Variants in EDIL3 observed in about 807,000 individuals in gnomAD.
EDIL3 encodes EGF like and discoidin domains 3, also known as EGF-like repeat and discoidin I-like domain-containing protein 3.
Under a neutral mutation model 67.4 loss-of-function variants are expected in EDIL3, and 37 were observed. That is an observed-to-expected ratio of 0.55 (90% CI 0.42 to 0.72). EDIL3 has a LOEUF of 0.72. Ranked by LOEUF, EDIL3 falls within the 30% of genes least tolerant of loss-of-function variation. The pLI, the probability that EDIL3 is intolerant of heterozygous loss-of-function variation, is 0.00. For synonymous variants in EDIL3, 195 were observed against 196.3 expected, an observed-to-expected ratio of 0.99 and a Z score of 0.05; for missense variants, 527 against 586.3, an observed-to-expected ratio of 0.90 and a Z score of 1.04.
At chr5:84,279,492 TAGCTGA>T (rs1293679959) in intron 1 of EDIL3, among the ~76,000 whole-genome samples, 1 of 152,224 alleles carries the variant, frequency 6.6e-6, no homozygotes, top group Non-Finnish European at 1.5e-5. Context: ...AAACCCAAAA[TAGCTGA>T]AGCTTTATGA....
At chr5:84,373,491 A>C (rs1189663446) in intron 1 of EDIL3, among the ~76,000 whole-genome samples, 2 of 152,130 alleles carry the variant, frequency 1.3e-5, no homozygotes, top group Non-Finnish European at 2.9e-5. Context: ...TCAACCTTTC[A>C]GCCCTTCCAG....
At chr5:84,067,856 T>A (rs1746671382) in intron 6 of EDIL3, among the ~76,000 whole-genome samples, 1 of 152,196 alleles carries the variant, frequency 6.6e-6, no homozygotes, top group South Asian at 2.1e-4. Context: ...ATGAGTACAA[T>A]TTTTTGTGTT....
chr5:84,172,602 A>T (rs1416433207), intron 4 of EDIL3, among the ~76,000 whole-genome samples: 3 of 151,332 alleles, frequency 2.0e-5, no homozygotes. Context: ...AACAACAACA[A>T]CAACAACAAA....
chr5:84,024,475 C>T (rs551644194), intron 9 of EDIL3, among the ~76,000 whole-genome samples: 3 of 152,106 alleles, frequency 2.0e-5, no homozygotes, highest in Admixed American at 6.6e-5. Context: ...AGGGCCCTGC[C>T]CCAGGTTTGT....
At chr5:84,084,601 G>A (rs139873812) in intron 6 of EDIL3, among the ~76,000 whole-genome samples, 193 of 152,100 alleles carry the variant, frequency 1.3e-3, no homozygotes, top group African/African-American at 4.5e-3. Context: ...ATTATTACAC[G>A]TGCATTTTGC....
intron 1 of EDIL3, among the ~76,000 whole-genome samples, chr5:84,363,148 T>C (rs1346479603): frequency 1.3e-5 from 2 of 152,106 alleles, no homozygotes; most frequent in African/African-American, 2.4e-5. Context: ...ATCTCAATAA[T>C]GTCATTGCAT....
At chr5:84,220,772 A>G (rs1006847500) in intron 3 of EDIL3, among the ~76,000 whole-genome samples, 1 of 152,226 alleles carries the variant, frequency 6.6e-6, no homozygotes, top group Admixed American at 6.5e-5. Context: ...CAACAAAAAC[A>G]GAAGGGATCT....
At chr5:84,137,178 T>TGTAC (rs1748106528) in intron 5 of EDIL3, 63 bp downstream of exon 5, 1 of 969,718 alleles carries the variant, frequency 1.0e-6, no homozygotes, top group African/African-American at 2.7e-5. Context: ...TGTGTGTGTG[T>TGTAC]ATACATACAC....
intron 9 of EDIL3, among the ~76,000 whole-genome samples, chr5:83,972,874 A>G (rs1375693967): frequency 2.0e-5 from 3 of 152,114 alleles, no homozygotes; most frequent in African/African-American, 7.2e-5. Flanking sequence ...GCAGATCTTT[A>G]TAATATCCTG....
intron 9 of EDIL3, among the ~76,000 whole-genome samples, chr5:84,017,234 T>C (rs1192705616): frequency 6.6e-6 from 1 of 152,140 alleles, no homozygotes; most frequent in Non-Finnish European, 1.5e-5. Flanking sequence ...TGTAGAAACA[T>C]AGGGTAGTGT....
At chr5:84,327,152 T>C (rs1236175062) in intron 1 of EDIL3, among the ~76,000 whole-genome samples, 1 of 151,978 alleles carries the variant, frequency 6.6e-6, no homozygotes, top group Non-Finnish European at 1.5e-5. Context: ...TGCTAGCAAA[T>C]TTCTAGTATA....
At position 84,219,134 on chromosome 5, in the gene EDIL3, C is replaced by G. The variant is rs552663830; in HGVS notation, c.226+10721G>C. On this transcript the variant is annotated intron_variant, in intron 3 of 10. Coordinates refer to ENST00000296591, the MANE Select transcript of EDIL3 (RefSeq NM_005711.5). Reference sequence around the variant, plus strand: ...AGAGGTGCTTGTGTCACCCCCTCCCCCAGCTCCAGGCAGCTCAGAGCAGAG... The same window carrying G: ...AGAGGTGCTTGTGTCACCCCCTCCCGCAGCTCCAGGCAGCTCAGAGCAGAG... Among the ~76,000 whole-genome samples, 19 of 152,272 alleles carry G rather than the reference C, an allele frequency of 1.2e-4. No homozygotes were observed. In the East Asian group the frequency reaches 3.3e-3, roughly 26 times the overall value.
chr5:84,204,956 A>G (rs952288129), intron 3 of EDIL3, among the ~76,000 whole-genome samples: 9 of 152,138 alleles, frequency 5.9e-5, no homozygotes, highest in African/African-American at 2.2e-4. Flanking sequence ...TCTGTTGCCC[A>G]GGCTGGAGTG....
chr5:84,381,248 TTG>T (rs1220981207), intron 1 of EDIL3, among the ~76,000 whole-genome samples: 20 of 152,182 alleles, frequency 1.3e-4, no homozygotes, highest in African/African-American at 4.8e-4. Flanking sequence ...GAGGAAAAAA[TTG>T]TGTGTTGTAT....
At chr5:84,331,166 AG>A (rs534715968) in intron 1 of EDIL3, among the ~76,000 whole-genome samples, 16 of 152,316 alleles carry the variant, frequency 1.1e-4, no homozygotes, top group Admixed American at 7.8e-4. Context: ...ACAGGCTCAT[AG>A]GTGGAAGGGA....
At chr5:84,177,918 T>A (rs1748949661) in intron 4 of EDIL3, among the ~76,000 whole-genome samples, 1 of 152,276 alleles carries the variant, frequency 6.6e-6, no homozygotes, top group South Asian at 2.1e-4. Context: ...TGTCTAGCTA[T>A]TTTCCAAAAG....
intron 9 of EDIL3, among the ~76,000 whole-genome samples, chr5:84,028,467 C>G (rs61129000): frequency 6.6e-6 from 1 of 152,094 alleles, no homozygotes; most frequent in African/African-American, 2.4e-5. Flanking sequence ...TTCTACCATA[C>G]GTTAGTCATA....
intron 9 of EDIL3, among the ~76,000 whole-genome samples, chr5:84,008,193 G>C (rs535856563): frequency 1.4e-4 from 21 of 152,174 alleles, no homozygotes; most frequent in African/African-American, 5.1e-4. Flanking sequence ...CATATGGTTA[G>C]AAAGAAGAAA....
At chr5:84,358,654 A>G (rs929852663) in intron 1 of EDIL3, among the ~76,000 whole-genome samples, 1 of 116,998 alleles carries the variant, frequency 8.5e-6, no homozygotes, top group Non-Finnish European at 1.6e-5. Flanking sequence ...CCCAGGCTGG[A>G]GTGCAGTGGC....
Sources: allele counts gnomAD v4.1 joint callset (sites outside exome capture counted in the v4.1 genomes callset), GRCh38; gene constraint gnomAD v4.1.1; transcripts MANE v1.5; gene names NCBI Gene and HGNC (gene_info 2026-07-23, HGNC 2026-07-21).